The following FAM13B variants were observed in gnomAD, a reference collection of about 807,000 sequenced individuals.
The protein encoded by FAM13B is protein FAM13B.
In FAM13B, 60 loss-of-function variants were observed where a neutral mutation model predicts 117.3. That is an observed-to-expected ratio of 0.51 (90% CI 0.42 to 0.63). FAM13B has a LOEUF of 0.63. Among genes scored for constraint, FAM13B ranks in the 30% least tolerant of loss-of-function variants. The pLI is 0.00. For synonymous variants in FAM13B, 332 were observed against 356.1 expected (o/e 0.93, Z 0.76); for missense variants, 972 against 1,091.9 (o/e 0.89, Z 1.55).
Position 137,953,422 on chromosome 5 carries a change from CCTCT to C in FAM13B, c.1758_1761del (p.Glu587ThrfsTer42). On this transcript the variant is annotated frameshift_variant, in exon 16 of 24. Coordinates refer to ENST00000689681, the MANE Select transcript of FAM13B (RefSeq NM_001385994.1). LOFTEE classifies it high-confidence loss of function. ...TTGACCAGCTGATAAGGTGTTCTGT[CCTCT>C]CTCTTTTCATCTTTTGAACTAAAGG... is the stretch of plus-strand genomic sequence containing the variant. The C allele has an allele frequency of 1.2e-6, 2 of 1,613,750 alleles. No homozygotes were observed. Among genetic ancestry groups the C allele is most frequent in the Non-Finnish European group, 1.7e-6 (2 of 1,179,788 alleles).
chr5:138,010,301 C>T (rs1168323587), intron 6 of FAM13B, among the ~76,000 whole-genome samples: 1 of 152,146 alleles, frequency 6.6e-6, no homozygotes, highest in Non-Finnish European at 1.5e-5. Flanking sequence ...TGTTATATCA[C>T]ACTTTTTAAA....
intron 1 of FAM13B, among the ~76,000 whole-genome samples, chr5:138,026,845 A>G (rs1788542015): frequency 6.6e-6 from 1 of 151,348 alleles, no homozygotes; most frequent in Admixed American, 6.6e-5. Flanking sequence ...AGGCTGAGAC[A>G]GGAGAATCGC....
chr5:138,020,748 C>T (rs1198564247), intron 2 of FAM13B: 1 of 172,456 alleles, frequency 5.8e-6, no homozygotes, highest in African/African-American at 2.4e-5. Context: ...CCTAAGTTTA[C>T]AAAAATAAGG....
In FAM13B at chr5:137,983,213, A is replaced by AAAAAAAAAAAAAAAAAAAAC. The variant is rs1561492748; in HGVS notation, c.1179+2043_1179+2044insGTTTTTTTTTTTTTTTTTTT. 1.7e-4 allele frequency among the ~76,000 whole-genome samples: 16 copies of AAAAAAAAAAAAAAAAAAAAC among 93,722 alleles called. 2 individuals carry two copies. The highest frequency in any genetic ancestry group is 2.8e-4 in the East Asian group (1 of 3,622). 61.5% of individuals were successfully genotyped at this position (93,722 alleles called of 152,430 possible). A position where few individuals can be genotyped will look rare whatever the true frequency, so the allele number is the denominator to read the frequency against. On this transcript the variant is annotated intron_variant, in intron 10 of 23. Coordinates refer to ENST00000689681, the MANE Select transcript of FAM13B (RefSeq NM_001385994.1). ...AAAAAAAAAAAAAAAAAAAAAAAAA[A>AAAAAAAAAAAAAAAAAAAAC]AACCGAGTGAGATATCCTGAATGCC...
At chr5:137,968,131 A>C (rs1770673315) in intron 10 of FAM13B, among the ~76,000 whole-genome samples, 1 of 151,490 alleles carries the variant, frequency 6.6e-6, no homozygotes, top group Admixed American at 6.6e-5. Context: ...CTGAGGCAGG[A>C]GAATCGCTTG....
intron 10 of FAM13B, among the ~76,000 whole-genome samples, chr5:137,964,485 C>T (rs750369091): frequency 3.4e-4 from 52 of 151,364 alleles, no homozygotes; most frequent in Non-Finnish European, 7.2e-4. Flanking sequence ...CTTTGGGAGG[C>T]TGAGGCGAGC....
At chr5:138,020,798 C>T in intron 2 of FAM13B, 1 of 224,250 alleles carries the variant, frequency 4.5e-6, no homozygotes, top group East Asian at 9.0e-5. Flanking sequence ...TCAAGAATGT[C>T]ACAACATGAC....
At chr5:137,944,500 G>T (rs913058871) in intron 20 of FAM13B, among the ~76,000 whole-genome samples, 3 of 152,140 alleles carry the variant, frequency 2.0e-5, no homozygotes, top group African/African-American at 7.2e-5. Flanking sequence ...GGGCACGGTG[G>T]CTCATGCCTG....
At chr5:138,030,037 A>G (rs1236785143) in intron 1 of FAM13B, among the ~76,000 whole-genome samples, 1 of 152,206 alleles carries the variant, frequency 6.6e-6, no homozygotes, top group Admixed American at 6.5e-5. Flanking sequence ...TCATCAAATT[A>G]TCTTGTCAGC....
intron 10 of FAM13B, among the ~76,000 whole-genome samples, chr5:137,973,061 C>T (rs1465405056): frequency 1.3e-5 from 2 of 152,064 alleles, no homozygotes; most frequent in Non-Finnish European, 2.9e-5. Flanking sequence ...TCAATGCCAT[C>T]CCCATCAAGC....
At position 137,939,247 on chromosome 5, in the gene FAM13B, C is replaced by T. The variant is rs1760982821; in HGVS notation, c.*978G>A. ...AGGGGAAAAAAAAAAAGATAACCCC[C>T]TGAAGGTACATGTGAAAATGCAGTG... is the stretch of plus-strand genomic sequence containing the variant. On this transcript the variant is annotated 3_prime_UTR_variant, in exon 24 of 24. Coordinates refer to ENST00000689681, the MANE Select transcript of FAM13B (RefSeq NM_001385994.1). 6.6e-6 allele frequency: 1 copy of T among 152,508 alleles called. No homozygotes were observed. The highest frequency in any genetic ancestry group is 6.6e-5 in the Admixed American group (1 of 15,258). The allele number at this position is 152,508 out of a possible 1,614,324, so 9.4% of individuals were successfully genotyped here.
At chr5:137,951,443 A>C (rs1438571466) in intron 17 of FAM13B, among the ~76,000 whole-genome samples, 1 of 152,046 alleles carries the variant, frequency 6.6e-6, no homozygotes, top group East Asian at 1.9e-4. Context: ...GAACTGCTGA[A>C]GGCCAGAAGT....
Position 137,996,899 on chromosome 5 carries a change from T to G in FAM13B, c.849-8584A>C, listed in dbSNP as rs1780005754. 2.0e-5 allele frequency among the ~76,000 whole-genome samples: 3 copies of G among 152,176 alleles called. No individual in the cohort carries two copies. The South Asian group carries it at 6.2e-4, about 32-fold the overall frequency. On this transcript the variant is annotated intron_variant, in intron 7 of 23. Transcript: ENST00000689681. Reference sequence around the variant, plus strand: ...TGAGCCACTGAGCCCAGCCCAATTTTTCATCTTTCTAAATTGAGTTTTAGG... The same window carrying G: ...TGAGCCACTGAGCCCAGCCCAATTTGTCATCTTTCTAAATTGAGTTTTAGG...
chr5:137,951,300 G>A (rs1764962560), intron 17 of FAM13B, among the ~76,000 whole-genome samples: 2 of 150,230 alleles, frequency 1.3e-5, no homozygotes, highest in Non-Finnish European at 2.9e-5. Flanking sequence ...CAGGGACTCT[G>A]TCTGTCTTGT....
intron 7 of FAM13B, among the ~76,000 whole-genome samples, chr5:137,989,049 G>T (rs1561500392): frequency 6.6e-6 from 1 of 152,212 alleles, no homozygotes; most frequent in Admixed American, 6.5e-5. Context: ...TCAGATAAAA[G>T]ATAAGGTATG....
At chr5:138,012,225 T>TG (rs1458342069) in intron 4 of FAM13B, among the ~76,000 whole-genome samples, 1 of 149,320 alleles carries the variant, frequency 6.7e-6, no homozygotes, top group Non-Finnish European at 1.5e-5. Context: ...TCTTTTTTTT[T>TG]TTTTTTTTTT....
At chr5:138,025,306 T>TG (rs1788014282) in intron 1 of FAM13B, among the ~76,000 whole-genome samples, 1 of 93,872 alleles carries the variant, frequency 1.1e-5, no homozygotes. Context: ...TATATATATA[T>TG]ATATGTATTT....
chr5:137,954,293 G>A lies in FAM13B; in HGVS notation c.1591C>T (p.His531Tyr). The part of the protein sequence containing the change: ...QLSPQAGRMN[H>Y]HPLEEDCPPV... ...GGACAGTCCTCTTCCAAGGGGTGAT[G>A]ATTCATTCTTCCAGCTTGTGGAGAC... Residue 531 changes from histidine (H) to tyrosine (Y), a missense_variant, in exon 15 of 24, where the codon CAT becomes TAT. Transcript: ENST00000689681. 2 of 1,614,016 alleles carry A rather than the reference G, an allele frequency of 1.2e-6. No individual in the cohort carries two copies. The highest frequency in any genetic ancestry group is 1.7e-6 in the Non-Finnish European group (2 of 1,179,984).
chr5:137,979,999 T>TA (rs10709915), intron 10 of FAM13B, among the ~76,000 whole-genome samples: 1,180 of 95,512 alleles, frequency 0.012, 19 homozygotes, highest in African/African-American at 0.045. Flanking sequence ...CTGTCTCTAC[T>TA]AAAAAAAAAA....
Sources: gnomAD v4.1 joint callset for allele counts (sites outside exome capture counted in the v4.1 genomes callset) on GRCh38, gnomAD v4.1.1 for gene constraint, MANE v1.5 for transcripts, NCBI Gene and HGNC (gene_info 2026-07-23, HGNC 2026-07-21) for gene names.